Variants in EPG5 observed in about 807,000 individuals in gnomAD.
The protein encoded by EPG5 is ectopic P-granules 5 autophagy tethering factor.
A neutral mutation model predicts 302.7 loss-of-function variants in EPG5; 159 were observed. The observed-to-expected ratio is 0.53, with a 90% CI of 0.46 to 0.60. EPG5 has a LOEUF of 0.60. Among genes scored for constraint, EPG5 ranks in the 20% least tolerant of loss-of-function variants. The probability of loss-of-function intolerance (pLI) is 0.00; values close to 1 mark genes in which losing one functional copy is unlikely to be tolerated. For synonymous variants in EPG5, 1,158 were observed against 1,136.8 expected (o/e 1.02, Z -0.37); for missense variants, 2,896 against 3,092.4 (o/e 0.94, Z 1.51).
the EPG5 span, among the ~76,000 whole-genome samples, chr18:45,812,204 T>C: frequency 1.3e-5 from 2 of 152,092 alleles, no homozygotes; most frequent in South Asian, 2.1e-4. Context: ...GGAATCCAAC[T>C]TATAAGGGAT....
At chr18:45,948,804 C>T (rs558615948) in intron 5 of EPG5, among the ~76,000 whole-genome samples, 69 of 152,194 alleles carry the variant, frequency 4.5e-4, no homozygotes, top group African/African-American at 1.7e-3. Context: ...TCTGTAACAA[C>T]ATGGGATGAA....
At chr18:45,858,200 T>A in intron 41 of EPG5, 132 bp from the exon 42 acceptor site, 1 of 667,682 alleles carries the variant, frequency 1.5e-6, no homozygotes, top group Non-Finnish European at 2.6e-6. Context: ...ACGGCTGATG[T>A]TAATAGAGCC....
the EPG5 span, among the ~76,000 whole-genome samples, chr18:45,819,416 G>A: frequency 6.6e-6 from 1 of 152,190 alleles, no homozygotes; most frequent in African/African-American, 2.4e-5. Context: ...AAGGGAAATT[G>A]TTGAAGTACT....
chr18:45,805,423 T>TAA, the EPG5 span, among the ~76,000 whole-genome samples: 284 of 132,488 alleles, frequency 2.1e-3, 2 homozygotes, highest in Middle Eastern at 0.02. Flanking sequence ...AGAGCTTCTG[T>TAA]AAAAAAAAAA....
At chr18:45,832,024 G>A in the EPG5 span, among the ~76,000 whole-genome samples, 2 of 152,190 alleles carry the variant, frequency 1.3e-5, no homozygotes, top group African/African-American at 4.8e-5. Context: ...GAGCCGCCAC[G>A]CCCGGCCCAA....
In EPG5 at chr18:45,934,827, A is replaced by C; in HGVS notation, c.2239T>G (p.Cys747Gly). ...GCTGTACCTTGGAGCTGCTGCTTGC[A>C]CTGGGCGGGCTGCAGGGAGGAGGAG... is the stretch of plus-strand genomic sequence containing the variant. ...QLSSSLQPAQ[C>G]KQQLQDPEHF... Residue 747 changes from cysteine (C) to glycine (G), a missense_variant, in exon 11 of 44, where the codon TGC (cysteine) becomes GGC (glycine). By Grantham distance (159) the Cys-to-Gly change is radical. Around this residue, in one of 5 missense-constraint regions of EPG5, gnomAD observed 1,390 missense variants for 1,430.0 expected, o/e 0.97. Transcript: ENST00000282041. 1.2e-6 allele frequency: 2 copies of C among 1,613,572 alleles called. No individual in the cohort carries two copies. Among genetic ancestry groups the C allele is most frequent in the South Asian group, 1.1e-5 (1 of 90,982 alleles).
chr18:45,845,262 T>C (rs947952477), downstream of EPG5, among the ~76,000 whole-genome samples: 3 of 152,194 alleles, frequency 2.0e-5, no homozygotes, highest in African/African-American at 4.8e-5. Context: ...GCGCCATTCC[T>C]CAGAGAGACA....
the EPG5 span, among the ~76,000 whole-genome samples, chr18:45,840,025 A>G: frequency 1.3e-5 from 2 of 151,700 alleles, no homozygotes; most frequent in Non-Finnish European, 2.9e-5. Context: ...TCCTCAGTCC[A>G]CCCCTCTCCT....
At chr18:45,911,476 T>TGGA (rs1399116581) in intron 22 of EPG5, among the ~76,000 whole-genome samples, 214 of 151,820 alleles carry the variant, frequency 1.4e-3, no homozygotes, top group African/African-American at 5.0e-3. Context: ...TTTTTTTTAG[T>TGGA]AGAGACGGGG....
chr18:45,944,065 T>C lies in EPG5; in HGVS notation c.1732A>G (p.Ile578Val), dbSNP rs1314051567. Residue 578 changes from isoleucine to valine, a missense_variant, in exon 8 of 44, where the codon ATT becomes GTT. By Grantham distance (29) the Ile-to-Val change is conservative (BLOSUM62 3). Transcript: ENST00000282041. ...TCATGAAAGGGGAACTGTGCTAAAA[T>C]GGTAACCAAATCATCTTCATTAAGG... ...ILLNEDDLVT[I>V]LAQFPFHELF... 2 of 1,614,120 alleles carry C rather than the reference T, an allele frequency of 1.2e-6. No homozygotes were observed. Among genetic ancestry groups the C allele is most frequent in the African/African-American group, 1.3e-5 (1 of 75,048 alleles).
At chr18:45,942,602 C>T (rs1215895421) in intron 9 of EPG5, among the ~76,000 whole-genome samples, 1 of 151,172 alleles carries the variant, frequency 6.6e-6, no homozygotes, top group Non-Finnish European at 1.5e-5. Flanking sequence ...AGACTCATCT[C>T]AAAAAAATAA....
At position 45,865,682 on chromosome 18, in the gene EPG5, G is replaced by A. The variant is rs1208597619; in HGVS notation, c.6699C>T (p.Ile2233=). ...TTTCCTGTTCTAGGACTGCTAAGGT[G>A]ATTTTTCCATTTTGTTCCAGGGTGC... ...FLSTLEQNGK[I]TLAVLEQEMS... Residue 2233 remains isoleucine (I), a synonymous_variant, in exon 39 of 44, where the codon ATC becomes ATT. Coordinates refer to ENST00000282041, the MANE Select transcript of EPG5 (RefSeq NM_020964.3). The A allele has an allele frequency of 6.8e-6, 11 of 1,612,356 alleles. No homozygotes were observed. Among genetic ancestry groups the A allele is most frequent in the South Asian group, 6.6e-5 (6 of 91,064 alleles).
intron 10 of EPG5, among the ~76,000 whole-genome samples, chr18:45,937,738 T>C (rs1055831221): frequency 2.0e-5 from 3 of 152,116 alleles, no homozygotes; most frequent in African/African-American, 7.2e-5. Flanking sequence ...TGTCTTTTAG[T>C]ATAGTTCAGT....
At chr18:45,964,010 T>C (rs1284857448) in intron 1 of EPG5, among the ~76,000 whole-genome samples, 2 of 152,190 alleles carry the variant, frequency 1.3e-5, no homozygotes, top group East Asian at 1.9e-4. Flanking sequence ...CAAAAGTAGA[T>C]GTCAAGGATT....
chr18:45,895,064 G>A (rs2049440232), intron 27 of EPG5, among the ~76,000 whole-genome samples: 1 of 152,152 alleles, frequency 6.6e-6, no homozygotes, highest in Admixed American at 6.5e-5. Context: ...GAAACACAGA[G>A]AAGGGAATGT....
chr18:45,903,160 C>T (rs763176424), intron 25 of EPG5, among the ~76,000 whole-genome samples: 5 of 152,134 alleles, frequency 3.3e-5, no homozygotes, highest in South Asian at 2.1e-4. Flanking sequence ...TGAGAATCTA[C>T]GTTGTTGGCT....
intron 29 of EPG5, 76 bp from the exon 30 acceptor site, chr18:45,884,887 G>C: frequency 9.6e-7 from 1 of 1,037,982 alleles, no homozygotes; most frequent in Non-Finnish European, 1.3e-6. Flanking sequence ...AATTTTTAAG[G>C]GGCACCAAAT....
In EPG5 at chr18:45,880,173, C is replaced by T. The variant is rs1172830032; in HGVS notation, c.5569G>A (p.Ala1857Thr). 1.2e-6 allele frequency: 2 copies of T among 1,611,312 alleles called. No homozygotes were observed. The highest frequency in any genetic ancestry group is 1.3e-5 in the African/African-American group (1 of 74,948). ...CAGCTGGGGGCGCAGCAGCCCAGGG[C>T]TCTCAGAGTGGCCTTCCAACACTCG... ...SPECWKATLR[A>T]LGCCAPSCQQ... The change falls in exon 32 of 44, where the codon GCC (alanine) becomes ACC (threonine). Residue 1857 changes from alanine to threonine, a missense_variant. Physicochemically the swap from Ala to Thr is moderately conservative, Grantham distance 58 (BLOSUM62 0). Transcript: ENST00000282041.
At chr18:45,901,395 G>A (rs1239752229) in intron 25 of EPG5, among the ~76,000 whole-genome samples, 3 of 152,202 alleles carry the variant, frequency 2.0e-5, no homozygotes, top group South Asian at 4.2e-4. Context: ...AGTGCCTTAC[G>A]CTAATATCAC....
Sources: gnomAD v4.1 joint callset for allele counts (sites outside exome capture counted in the v4.1 genomes callset) on GRCh38, gnomAD v4.1.1 for gene constraint, gnomAD v4.1.1 regional missense constraint, MANE v1.5 for transcripts, NCBI Gene and HGNC (gene_info 2026-07-23, HGNC 2026-07-21) for gene names.